PIK3CD: variants seen among roughly 807,000 people sequenced by gnomAD.
The protein encoded by PIK3CD is phosphatidylinositol 4,5-bisphosphate 3-kinase catalytic subunit delta isoform.
A neutral mutation model predicts 122.9 loss-of-function variants in PIK3CD; 20 were observed. The ratio of observed to expected loss-of-function variants is 0.16; its 90% CI spans 0.11 to 0.24. The LOEUF (loss-of-function observed/expected upper bound fraction) is 0.24, where lower values mean the gene tolerates loss of function less well. Among genes scored for constraint, PIK3CD ranks in the 10% least tolerant of loss-of-function variants. PIK3CD has a pLI of 1.00. For missense variants in PIK3CD, 787 were observed against 1,406.3 expected (o/e 0.56, Z 7.04); for synonymous variants, 596 against 593.4 (o/e 1.00, Z -0.06).
intron 2 of PIK3CD, among the ~76,000 whole-genome samples, chr1:9,706,993 T>G (rs997428791): frequency 1.6e-4 from 24 of 151,430 alleles, no homozygotes; most frequent in Admixed American, 1.3e-3. Context: ...TTTTTTTTTT[T>G]GTAGAGATGG....
At position 9,704,544 on chromosome 1, in the gene PIK3CD, A is replaced by T. The variant is rs1557645725; in HGVS notation, c.-32-5880A>T. ...TGTTTTGTTTTTGAGACAGGGTCTC[A>T]CTCTATTGCCCAGGCTGGAGTGCAG... On this transcript the variant is annotated intron_variant, in intron 2 of 23. Coordinates refer to ENST00000377346, the MANE Select transcript of PIK3CD (RefSeq NM_005026.5). This position sits in a 1 kb window ranked among gnomAD's most constrained non-coding sequence, Gnocchi z 5.0. Among the ~76,000 whole-genome samples, 1 of 151,988 alleles carries T rather than the reference A, an allele frequency of 6.6e-6. No individual in the cohort carries two copies. The highest frequency in any genetic ancestry group is 6.6e-5 in the Admixed American group (1 of 15,246).
rs1205317546 is a variant in PIK3CD, at chr1:9,715,721, C to T, written c.322C>T (p.Arg108Cys). 3.1e-6 allele frequency: 5 copies of T among 1,613,398 alleles called. No homozygotes were observed. The highest frequency in any genetic ancestry group is 1.1e-5 in the South Asian group (1 of 91,082). ...VLRLVAREGDRVKKLINSQIS... is the reference protein window; with the variant it reads ...VLRLVAREGDCVKKLINSQIS... ...GCGCCTGGTGGCCCGTGAGGGCGAC[C>T]GCGTGAAGAAGCTCATCAACTCACA... The change falls in exon 4 of 24, where the codon CGC becomes TGC. Residue 108 changes from arginine (R) to cysteine (C), a missense_variant. Around this residue, in one of 6 missense-constraint regions of PIK3CD, gnomAD observed 592 missense variants for 920.6 expected, o/e 0.64. Transcript: ENST00000377346. The surrounding 1 kb of genome is among the most constrained non-coding windows in gnomAD (Gnocchi z 4.1).
rs138485916 is a variant in PIK3CD, at chr1:9,717,048, C to T, written c.870C>T (p.Ser290=). Residue 290 remains serine (S), a synonymous_variant, in exon 7 of 24, where the codon AGC becomes AGT. Transcript: ENST00000377346. The surrounding 1 kb of genome is among the most constrained non-coding windows in gnomAD (Gnocchi z 5.4). ...SSILAMRDEQ[S]NPAPQVQKPR... ...TCCTCGCCATGCGGGATGAGCAGAGCAACCCTGCCCCCCAGGTCCAGAAAC... is the reference window on the plus strand; with the variant it reads ...TCCTCGCCATGCGGGATGAGCAGAGTAACCCTGCCCCCCAGGTCCAGAAAC... The T allele has an allele frequency of 1.9e-6, 3 of 1,613,998 alleles. No homozygotes were observed. The highest frequency in any genetic ancestry group is 2.5e-6 in the Non-Finnish European group (3 of 1,180,030).
intron 5 of PIK3CD, 110 bp downstream of exon 5, chr1:9,716,188 T>C: frequency 3.0e-6 from 3 of 996,640 alleles, no homozygotes; most frequent in Non-Finnish European, 4.6e-6. Flanking sequence ...TGGCATCAGA[T>C]GGTGTTTGCC....
In PIK3CD at chr1:9,721,792, C is replaced by A; in HGVS notation, c.1987C>A (p.Arg663Ser). ...GATGCACGTGCCGTCGGTGGCCCTG[C>A]GCTTCGGCCTCATCCTGGAGGCCTA... ...SEMHVPSVAL[R>S]FGLILEAYCR... The change falls in exon 16 of 24, where the codon CGC becomes AGC. Residue 663 changes from arginine (R) to serine (S), a missense_variant. This residue lies in a region of PIK3CD where 592 missense variants were observed against 920.6 expected (regional missense o/e 0.64). Coordinates refer to ENST00000377346, the MANE Select transcript of PIK3CD (RefSeq NM_005026.5). 1 of 1,613,238 alleles carries A rather than the reference C, an allele frequency of 6.2e-7. No individual in the cohort carries two copies. Among genetic ancestry groups the A allele is most frequent in the East Asian group, 2.2e-5 (1 of 44,880 alleles).
chr1:9,675,590 G>T (rs1296918654), intron 1 of PIK3CD, among the ~76,000 whole-genome samples: 1 of 151,832 alleles, frequency 6.6e-6, no homozygotes, highest in African/African-American at 2.4e-5. Context: ...TGCTGGGTTG[G>T]GGGAGGGGAG....
Position 9,724,980 on chromosome 1 carries a change from G to A in PIK3CD, c.2997+44G>A. ...ACTGCTGTCGCCAGTGGACTTCCAAGGCCTGCCCCCGAGCAATGTGACCTA... is the reference window on the plus strand; with the variant it reads ...ACTGCTGTCGCCAGTGGACTTCCAAAGCCTGCCCCCGAGCAATGTGACCTA... On this transcript the variant is annotated intron_variant, in intron 23 of 23. Coordinates refer to ENST00000377346, the MANE Select transcript of PIK3CD (RefSeq NM_005026.5). The surrounding 1 kb of genome is among the most constrained non-coding windows in gnomAD (Gnocchi z 7.3). 1 of 1,611,052 alleles carries A rather than the reference G, an allele frequency of 6.2e-7. No homozygotes were observed. The highest frequency in any genetic ancestry group is 8.5e-7 in the Non-Finnish European group (1 of 1,179,446).
At chr1:9,641,074 C>T in the PIK3CD span, among the ~76,000 whole-genome samples, 1 of 152,264 alleles carries the variant, frequency 6.6e-6, no homozygotes, top group South Asian at 2.1e-4. Context: ...TTCGGCAGCA[C>T]AACACTGTAT....
chr1:9,674,015 G>A (rs915717389), intron 1 of PIK3CD, among the ~76,000 whole-genome samples: 1 of 152,202 alleles, frequency 6.6e-6, no homozygotes, highest in Admixed American at 6.5e-5. Flanking sequence ...TGGTCAGCAC[G>A]TAGAGGCCAT....
Position 9,685,468 on chromosome 1 carries a change from C to T in PIK3CD, c.-137-5999C>T, listed in dbSNP as rs573621768. Among the ~76,000 whole-genome samples the T allele has an allele frequency of 1.6e-3, 248 of 152,158 alleles. 2 individuals carry two copies. Among genetic ancestry groups the T allele is most frequent in the Non-Finnish European group, 1.8e-4 (12 of 68,020 alleles). On this transcript the variant is annotated intron_variant, in intron 1 of 23. Transcript: ENST00000377346. ...CCGCCTCCCAGGTTCAAGCGAATCT[C>T]GTGCCTCAGCCTTCTGAGTAGCTGG...
At position 9,700,803 on chromosome 1, in the gene PIK3CD, T is replaced by C. The variant is rs1570293992; in HGVS notation, c.-33+9232T>C. On this transcript the variant is annotated intron_variant, in intron 2 of 23. Coordinates refer to ENST00000377346, the MANE Select transcript of PIK3CD (RefSeq NM_005026.5). The surrounding 1 kb of genome is among the most constrained non-coding windows in gnomAD (Gnocchi z 5.1). ...TCTTATCCCACCAGAAATCTCTTCC[T>C]TTCCTGTCTCAGTAAATTCCCACCA... 6.6e-6 allele frequency among the ~76,000 whole-genome samples: 1 copy of C among 152,134 alleles called. No individual in the cohort carries two copies. Among genetic ancestry groups the C allele is most frequent in the South Asian group, 2.1e-4 (1 of 4,828 alleles).
Position 9,717,173 on chromosome 1 carries a change from T to C in PIK3CD, c.930+65T>C. 1 of 1,586,136 alleles carries C rather than the reference T, an allele frequency of 6.3e-7. No individual in the cohort carries two copies. On this transcript the variant is annotated intron_variant, in intron 7 of 23. Coordinates refer to ENST00000377346, the MANE Select transcript of PIK3CD (RefSeq NM_005026.5). The surrounding 1 kb of genome is among the most constrained non-coding windows in gnomAD (Gnocchi z 5.4). ...TCTTTCCACCTGGCGTCCAACTCCA[T>C]GTGCTACTGGCCATGGGTCCAGGGG...
the PIK3CD span, among the ~76,000 whole-genome samples, chr1:9,637,861 T>C: frequency 3.9e-5 from 6 of 152,144 alleles, no homozygotes; most frequent in African/African-American, 1.2e-4. Flanking sequence ...CCCAGCACTT[T>C]GGGAGGCCAA....
At chr1:9,631,564 G>A in the PIK3CD span, among the ~76,000 whole-genome samples, 1 of 152,232 alleles carries the variant, frequency 6.6e-6, no homozygotes, top group Non-Finnish European at 1.5e-5. Flanking sequence ...GCTGAGGCAG[G>A]AGAATCGTTT....
rs181701918 is a variant in PIK3CD, at chr1:9,709,305, A to G, written c.-32-1119A>G. On this transcript the variant is annotated intron_variant, in intron 2 of 23. Transcript: ENST00000377346. Reference sequence around the variant, plus strand: ...GTGATCTGCCTGCCTGGGCCTCCCAAAGTGCTGGGATTACAGATGTGAGCC... The same window carrying G: ...GTGATCTGCCTGCCTGGGCCTCCCAGAGTGCTGGGATTACAGATGTGAGCC... 4.9e-4 allele frequency among the ~76,000 whole-genome samples: 75 copies of G among 152,156 alleles called. 1 individual carries two copies. In the East Asian group the frequency reaches 0.011, roughly 22 times the overall value.
chr1:9,679,973 C>T (rs1645688123), intron 1 of PIK3CD, among the ~76,000 whole-genome samples: 2 of 151,826 alleles, frequency 1.3e-5, no homozygotes, highest in Non-Finnish European at 2.9e-5. Flanking sequence ...TACAGGCGCC[C>T]ACCACCACAC....
intron 1 of PIK3CD, among the ~76,000 whole-genome samples, chr1:9,687,850 G>T (rs965258241): frequency 6.6e-6 from 1 of 152,150 alleles, no homozygotes; most frequent in East Asian, 1.9e-4. Context: ...CAGGGAAGAG[G>T]AGTGTCCCCT....
In PIK3CD at chr1:9,720,098, GC is replaced by G. The variant is rs1302683461; in HGVS notation, c.1340-10del. 6.2e-7 allele frequency: 1 copy of G among 1,613,222 alleles called. No individual in the cohort carries two copies. The highest frequency in any genetic ancestry group is 8.5e-7 in the Non-Finnish European group (1 of 1,180,024). On this transcript the variant is annotated splice_polypyrimidine_tract_variant and intron_variant, in intron 10 of 23. Coordinates refer to ENST00000377346, the MANE Select transcript of PIK3CD (RefSeq NM_005026.5). The surrounding 1 kb of genome is among the most constrained non-coding windows in gnomAD (Gnocchi z 9.0). ...TGGTCACCCCTCTACAACTTCATCT[GC>G]CCCTGTGTTCAGATGAGAAGGGCGA...
chr1:9,635,394 C>T, the PIK3CD span, among the ~76,000 whole-genome samples: 1 of 152,028 alleles, frequency 6.6e-6, no homozygotes. Context: ...ACTCTCTCTT[C>T]CTCTGCATAT....
Sources: allele counts gnomAD v4.1 joint callset (sites outside exome capture counted in the v4.1 genomes callset), GRCh38; gene constraint gnomAD v4.1.1; regional missense constraint gnomAD v4.1.1; non-coding constraint Gnocchi (gnomAD v3.1); transcripts MANE v1.5; gene names NCBI Gene and HGNC (gene_info 2026-07-23, HGNC 2026-07-21).